The following CENPQ variants were observed in gnomAD, a reference collection of about 807,000 sequenced individuals.
CENPQ encodes centromere protein Q.
Under a neutral mutation model 36.6 loss-of-function variants are expected in CENPQ, and 27 were observed. That is an observed-to-expected ratio of 0.74 (90% CI 0.54 to 1.02). The LOEUF (loss-of-function observed/expected upper bound fraction) is 1.02. Among genes scored for constraint, CENPQ ranks in the 50% least tolerant of loss-of-function variants. The pLI is 0.00. For synonymous variants in CENPQ, 101 were observed against 101.7 expected, an observed-to-expected ratio of 0.99 and a Z score of 0.04; for missense variants, 306 against 301.8, an observed-to-expected ratio of 1.01 and a Z score of -0.10.
At chr6:49,488,727 G>A (rs1768650436) in intron 8 of CENPQ, 43 bp downstream of exon 8, 2 of 1,504,964 alleles carry the variant, frequency 1.3e-6, no homozygotes, top group Non-Finnish European at 1.8e-6. Flanking sequence ...ATACTTTAGA[G>A]ATGTTGCAAA....
chr6:49,482,322 C>A (rs980350350), intron 6 of CENPQ, among the ~76,000 whole-genome samples: 1 of 152,206 alleles, frequency 6.6e-6, no homozygotes, highest in Non-Finnish European at 1.5e-5. Flanking sequence ...AGTGGGAGCC[C>A]AGGCAGAGGA....
At chr6:49,490,816 G>A (rs986942100) in intron 8 of CENPQ, among the ~76,000 whole-genome samples, 3 of 152,156 alleles carry the variant, frequency 2.0e-5, no homozygotes, top group East Asian at 1.9e-4. Flanking sequence ...ATAAATGGCC[G>A]GTTGGTGGAG....
At chr6:49,474,077 T>C (rs1374584534) in intron 5 of CENPQ, among the ~76,000 whole-genome samples, 1 of 152,158 alleles carries the variant, frequency 6.6e-6, no homozygotes, top group Admixed American at 6.5e-5. Flanking sequence ...TGGGAGACTT[T>C]AACACCCCAC....
chr6:49,470,333 A>G, intron 2 of CENPQ, 55 bp downstream of exon 2: 1 of 1,122,554 alleles, frequency 8.9e-7, no homozygotes, highest in South Asian at 1.4e-5. Context: ...GCCAAGCACT[A>G]TGGCTCATGC....
intron 2 of CENPQ, 58 bp downstream of exon 2, chr6:49,470,336 G>T: frequency 9.3e-7 from 1 of 1,073,074 alleles, no homozygotes; most frequent in South Asian, 1.4e-5. Flanking sequence ...AAGCACTATG[G>T]CTCATGCCTG....
intron 6 of CENPQ, among the ~76,000 whole-genome samples, chr6:49,482,661 G>A (rs561993580): frequency 1.1e-4 from 6 of 52,684 alleles, no homozygotes; most frequent in Admixed American, 3.4e-4. Flanking sequence ...ACTGCTCGGC[G>A]ATTGGCGATG....
chr6:49,481,262 C>A (rs1338834218), intron 6 of CENPQ, among the ~76,000 whole-genome samples, 182 bp downstream of exon 6: 1 of 152,018 alleles, frequency 6.6e-6, no homozygotes, highest in Admixed American at 6.6e-5. Context: ...GAACTTGGCA[C>A]CTCTAAAGTT....
chr6:49,473,124 AG>A (rs1372453169), intron 5 of CENPQ, among the ~76,000 whole-genome samples: 3 of 152,172 alleles, frequency 2.0e-5, no homozygotes, highest in African/African-American at 7.2e-5. Context: ...ATTTGAAAAC[AG>A]TTTTGTCAAC....
chr6:49,483,188 G>A (rs959515903), intron 6 of CENPQ, among the ~76,000 whole-genome samples: 2 of 152,112 alleles, frequency 1.3e-5, no homozygotes, highest in African/African-American at 4.8e-5. Flanking sequence ...AGCTAGATAC[G>A]GAGTGTAGAA....
intron 1 of CENPQ, among the ~76,000 whole-genome samples, chr6:49,466,842 C>G (rs2127422791): frequency 6.6e-6 from 1 of 152,138 alleles, no homozygotes; most frequent in Middle Eastern, 3.4e-3. Context: ...TTTACTGGCC[C>G]AAAGATATAC....
chr6:49,485,083 C>T (rs186513659), intron 6 of CENPQ, among the ~76,000 whole-genome samples: 9 of 152,204 alleles, frequency 5.9e-5, no homozygotes, highest in East Asian at 1.9e-4. Flanking sequence ...GAAGAAGCAC[C>T]GCTGGCATTT....
intron 5 of CENPQ, 135 bp downstream of exon 5, chr6:49,472,993 G>A (rs1581846090): frequency 3.5e-6 from 2 of 575,098 alleles, no homozygotes; most frequent in Non-Finnish European, 5.0e-6. Context: ...TTGGAAGTAT[G>A]TTTTCTCTTT....
At chr6:49,488,757 A>T in intron 8 of CENPQ, 73 bp downstream of exon 8, 2 of 1,211,056 alleles carry the variant, frequency 1.7e-6, no homozygotes, top group Middle Eastern at 1.9e-4. Context: ...AGACCACAGC[A>T]AAAAAGCAAA....
At chr6:49,491,745 A>G (rs1458162629) in intron 8 of CENPQ, among the ~76,000 whole-genome samples, 1 of 152,122 alleles carries the variant, frequency 6.6e-6, no homozygotes, top group East Asian at 1.9e-4. Flanking sequence ...GAGAAACCCC[A>G]TCTCTACTAA....
chr6:49,486,706 A>T (rs906072983), intron 6 of CENPQ, among the ~76,000 whole-genome samples: 1 of 152,190 alleles, frequency 6.6e-6, no homozygotes, highest in Admixed American at 6.5e-5. Flanking sequence ...AGATTTTTTT[A>T]AAGTGTAGTA....
intron 6 of CENPQ, among the ~76,000 whole-genome samples, chr6:49,482,845 C>G (rs1391843895): frequency 6.6e-6 from 1 of 152,048 alleles, no homozygotes; most frequent in Non-Finnish European, 1.5e-5. Context: ...GGAGTTTGTT[C>G]CTCCCAGTGG....
chr6:49,485,690 A>G (rs1215095506), intron 6 of CENPQ, among the ~76,000 whole-genome samples: 1 of 152,158 alleles, frequency 6.6e-6, no homozygotes, highest in Non-Finnish European at 1.5e-5. Context: ...GCAGATATGT[A>G]GACTAAATTA....
chr6:49,470,622 CAAAAAA>C (rs1199878940), intron 2 of CENPQ, among the ~76,000 whole-genome samples: 3 of 66,384 alleles, frequency 4.5e-5, no homozygotes, highest in African/African-American at 1.8e-4. Context: ...GACTCCGTCT[CAAAAAA>C]AAAAAAAAAA....
At chr6:49,482,359 A>G (rs1768456452) in intron 6 of CENPQ, among the ~76,000 whole-genome samples, 1 of 152,180 alleles carries the variant, frequency 6.6e-6, no homozygotes, top group Admixed American at 6.5e-5. Context: ...GAGGGCTGCA[A>G]GGGCTGCCAG....
Sources: allele counts gnomAD v4.1 joint callset (sites outside exome capture counted in the v4.1 genomes callset), GRCh38; gene constraint gnomAD v4.1.1; transcripts MANE v1.5; gene names NCBI Gene and HGNC (gene_info 2026-07-23, HGNC 2026-07-21).